Variants in CYSLTR2 observed in about 807,000 individuals in gnomAD.
CYSLTR2 encodes the protein G-protein coupled receptor GPCR21.
For missense variants in CYSLTR2, 398 were observed against 411.9 expected (o/e 0.97, Z 0.29); for synonymous variants, 179 against 160.8 (o/e 1.11, Z -0.86).
chr13:48,684,020 G>C (rs1202283795), intron 1 of CYSLTR2, among the ~76,000 whole-genome samples: 5 of 152,162 alleles, frequency 3.3e-5, no homozygotes, highest in African/African-American at 4.8e-5. Flanking sequence ...CTGGGCTCAA[G>C]CAATCCTCTT....
At chr13:48,668,849 A>C (rs1219707765) in intron 1 of CYSLTR2, among the ~76,000 whole-genome samples, 1 of 152,104 alleles carries the variant, frequency 6.6e-6, no homozygotes, top group Non-Finnish European at 1.5e-5. Flanking sequence ...TCTGAGTGAG[A>C]ACATGCGGTG....
chr13:48,657,366 C>G (rs1460000165), intron 1 of CYSLTR2, among the ~76,000 whole-genome samples: 2 of 152,024 alleles, frequency 1.3e-5, no homozygotes, highest in Non-Finnish European at 2.9e-5. Flanking sequence ...TCGGAAGGGT[C>G]CTTAGGAAGA....
chr13:48,690,553 C>T (rs1248187966), intron 1 of CYSLTR2, among the ~76,000 whole-genome samples: 1 of 152,052 alleles, frequency 6.6e-6, no homozygotes, highest in Non-Finnish European at 1.5e-5. Flanking sequence ...TGATGGATTA[C>T]GTTTATTGAT....
intron 1 of CYSLTR2, among the ~76,000 whole-genome samples, chr13:48,664,488 G>A (rs1164807848): frequency 1.3e-5 from 2 of 151,832 alleles, no homozygotes; most frequent in African/African-American, 4.8e-5. Context: ...CTTTATTACT[G>A]ATTCAATCTT....
At position 48,682,121 on chromosome 13, in the gene CYSLTR2, G is replaced by T. The variant is rs1218130731; in HGVS notation, c.-265-9091G>T. Among the ~76,000 whole-genome samples the T allele has an allele frequency of 2.0e-5, 3 of 152,108 alleles. No homozygotes were observed. The East Asian group carries it at 5.8e-4, about 29-fold the overall frequency. Reference sequence around the variant, plus strand: ...TCTCCTTGTGCCCTAGGCTCTGTGTGTTAACGCTGGTTCTAGTGCCCTGCC... The same window carrying T: ...TCTCCTTGTGCCCTAGGCTCTGTGTTTTAACGCTGGTTCTAGTGCCCTGCC... On this transcript the variant is annotated intron_variant, in intron 1 of 4. Coordinates refer to ENST00000682523, the MANE Select transcript of CYSLTR2 (RefSeq NM_001308476.3).
rs192432996 is a variant in CYSLTR2, at chr13:48,680,512, G to T, written c.-265-10700G>T. On this transcript the variant is annotated intron_variant, in intron 1 of 4. Coordinates refer to ENST00000682523, the MANE Select transcript of CYSLTR2 (RefSeq NM_001308476.3). ...TATGGAATCTCCATCTGCTGCTGCT[G>T]CTCCCTGTCCCTTCTTTGTTGTTTA... Among the ~76,000 whole-genome samples, 18 of 152,210 alleles carry T rather than the reference G, an allele frequency of 1.2e-4. 1 individual carries two copies. Among genetic ancestry groups the T allele is most frequent in the Admixed American group, 7.9e-4 (12 of 15,286 alleles).
At position 48,697,634 on chromosome 13, in the gene CYSLTR2, C is replaced by T. The variant is rs539466552; in HGVS notation, c.-2+1008C>T. Among the ~76,000 whole-genome samples the T allele has an allele frequency of 4.4e-3, 670 of 152,320 alleles. 3 individuals are homozygous for T. Among genetic ancestry groups the T allele is most frequent in the Middle Eastern group, 0.014 (4 of 294 alleles). ...CCTCCAAAGGAATGCAGCTCCTTGCCAGCAACGGAACAAAGCTGGACGGAG... is the reference window on the plus strand; with the variant it reads ...CCTCCAAAGGAATGCAGCTCCTTGCTAGCAACGGAACAAAGCTGGACGGAG... On this transcript the variant is annotated intron_variant, in intron 4 of 4. Coordinates refer to ENST00000682523, the MANE Select transcript of CYSLTR2 (RefSeq NM_001308476.3).
At chr13:48,671,928 G>A (rs1007929085) in intron 1 of CYSLTR2, among the ~76,000 whole-genome samples, 29 of 151,076 alleles carry the variant, frequency 1.9e-4, no homozygotes, top group African/African-American at 6.1e-4. Flanking sequence ...TTTTTGGTTC[G>A]TAGGCTATTA....
At chr13:48,663,174 G>GATTCTCT (rs1366726621) in intron 1 of CYSLTR2, among the ~76,000 whole-genome samples, 1 of 150,010 alleles carries the variant, frequency 6.7e-6, no homozygotes, top group Non-Finnish European at 1.5e-5. Context: ...TTAATTTCTG[G>GATTCTCT]ATTCTCTATT....
intron 1 of CYSLTR2, among the ~76,000 whole-genome samples, chr13:48,658,379 C>A (rs1003853778): frequency 6.6e-6 from 1 of 152,164 alleles, no homozygotes; most frequent in Non-Finnish European, 1.5e-5. Flanking sequence ...CTTTCCCGCC[C>A]CCCAAAAAGA....
Position 48,688,323 on chromosome 13 carries a change from A to G in CYSLTR2, c.-265-2889A>G, listed in dbSNP as rs532319610. Among the ~76,000 whole-genome samples, 10 of 152,220 alleles carry G rather than the reference A, an allele frequency of 6.6e-5. 1 individual carries two copies. The South Asian group carries it at 2.1e-3, about 32-fold the overall frequency. ...GGCTACATGTGCAGGTTTGTTACAT[A>G]GGTATGCAAAGGCCATGGTGGTTTG... On this transcript the variant is annotated intron_variant, in intron 1 of 4. Transcript: ENST00000682523.
At chr13:48,704,223 C>T (rs1954421994) in intron 4 of CYSLTR2, among the ~76,000 whole-genome samples, 1 of 152,026 alleles carries the variant, frequency 6.6e-6, no homozygotes, top group Non-Finnish European at 1.5e-5. Context: ...GTCTATTCTG[C>T]TACTATAAGA....
At chr13:48,695,700 C>T (rs541250555) in intron 3 of CYSLTR2, among the ~76,000 whole-genome samples, 54 of 152,282 alleles carry the variant, frequency 3.5e-4, no homozygotes, top group South Asian at 1.2e-3. Context: ...TTTATTTTCA[C>T]ATAGCATAGC....
intron 4 of CYSLTR2, among the ~76,000 whole-genome samples, chr13:48,704,323 G>C (rs1456003987): frequency 6.6e-6 from 1 of 152,148 alleles, no homozygotes; most frequent in African/African-American, 2.4e-5. Context: ...AGAAGTTCAA[G>C]ACCAGCCTGT....
intron 4 of CYSLTR2, among the ~76,000 whole-genome samples, chr13:48,699,477 C>T (rs974850209): frequency 1.3e-5 from 2 of 152,110 alleles, no homozygotes; most frequent in African/African-American, 4.8e-5. Context: ...CCAATGAGAG[C>T]AAAGACACAA....
At chr13:48,698,065 G>T (rs975052625) in intron 4 of CYSLTR2, among the ~76,000 whole-genome samples, 13 of 152,280 alleles carry the variant, frequency 8.5e-5, no homozygotes, top group Middle Eastern at 6.8e-3. Context: ...TGCAAGTGAC[G>T]GGGAGAATGG....
At chr13:48,654,231 A>G (rs779041454) in intron 1 of CYSLTR2, among the ~76,000 whole-genome samples, 15 of 149,862 alleles carry the variant, frequency 1.0e-4, no homozygotes, top group Non-Finnish European at 1.5e-5. Flanking sequence ...GCCTCTATTG[A>G]TATTTTGGGG....
intron 4 of CYSLTR2, among the ~76,000 whole-genome samples, chr13:48,701,038 T>A (rs553886007): frequency 1.3e-5 from 2 of 151,400 alleles, no homozygotes; most frequent in African/African-American, 4.8e-5. Context: ...CATTCAATAT[T>A]GTGAAAATGG....
intron 1 of CYSLTR2, among the ~76,000 whole-genome samples, chr13:48,656,952 T>C (rs1953012848): frequency 6.6e-6 from 1 of 152,252 alleles, no homozygotes; most frequent in African/African-American, 2.4e-5. Context: ...GCACTGTATT[T>C]CTTTATTTCT....
Sources: gnomAD v4.1 joint callset for allele counts (sites outside exome capture counted in the v4.1 genomes callset) on GRCh38, gnomAD v4.1.1 for gene constraint, MANE v1.5 for transcripts, NCBI Gene and HGNC (gene_info 2026-07-23, HGNC 2026-07-21) for gene names.